ADARB2: variants seen among roughly 807,000 people sequenced by gnomAD.
The protein encoded by ADARB2 is inactive double-stranded RNA-specific editase B2.
In ADARB2, 25 loss-of-function variants were observed where a neutral mutation model predicts 62.2. That is an observed-to-expected ratio of 0.40 (90% CI 0.29 to 0.56). ADARB2 has a LOEUF of 0.56. Among genes scored for constraint, ADARB2 ranks in the 20% least tolerant of loss-of-function variants. ADARB2 has a pLI of 0.43. For missense variants in ADARB2, 1,071 were observed against 1,077.4 expected (o/e 0.99, Z 0.08); for synonymous variants, 572 against 500.8 (o/e 1.14, Z -1.90).
intron 1 of ADARB2, among the ~76,000 whole-genome samples, chr10:1,514,627 A>G (rs1831986162): frequency 6.6e-6 from 1 of 151,888 alleles, no homozygotes; most frequent in East Asian, 2.0e-4. Flanking sequence ...AGTGCTTGAA[A>G]TGTGGCTGCC....
intron 2 of ADARB2, among the ~76,000 whole-genome samples, chr10:1,377,128 G>T (rs912363088): frequency 7.6e-6 from 1 of 132,428 alleles, no homozygotes; most frequent in East Asian, 2.4e-4. Flanking sequence ...TGTGCGGTGC[G>T]TCCCTGGGGT....
intron 3 of ADARB2, chr10:1,292,430 T>TA (rs1831474867): frequency 6.6e-6 from 1 of 152,244 alleles, no homozygotes; most frequent in Admixed American, 6.5e-5. Context: ...GCTTGTGACC[T>TA]GAGGCCCTTC....
At position 1,183,152 on chromosome 10, in the gene ADARB2, TC is replaced by T; in HGVS notation, c.*40del. ...CGCCCCCCAGACACGGTCCCATCCC[TC>T]CAGCGTCCCGCTCAGCTCCAGCAGC... is the stretch of plus-strand genomic sequence containing the variant. On this transcript the variant is annotated 3_prime_UTR_variant, in exon 10 of 10. Transcript: ENST00000381312. 1 of 1,600,356 alleles carries T rather than the reference TC, an allele frequency of 6.2e-7. No homozygotes were observed. Among genetic ancestry groups the T allele is most frequent in the African/African-American group, 1.3e-5 (1 of 74,758 alleles).
chr10:1,446,923 T>C (rs1830978275), intron 1 of ADARB2, among the ~76,000 whole-genome samples: 1 of 152,228 alleles, frequency 6.6e-6, no homozygotes. Flanking sequence ...TTGTCAAGGG[T>C]TTATTTCATT....
At chr10:1,258,133 TCTCC>T (rs990476221) in intron 4 of ADARB2, among the ~76,000 whole-genome samples, 2 of 152,118 alleles carry the variant, frequency 1.3e-5, no homozygotes, top group African/African-American at 4.8e-5. Flanking sequence ...TCTCTTTCTC[TCTCC>T]CTCCCTCCCT....
At position 1,609,317 on chromosome 10, in the gene ADARB2, C is replaced by T. The variant is rs146971324; in HGVS notation, c.100+127734G>A. ...TAATAGCTAGTTCTCCTGATGATTG[C>T]ACAGAGACCCGCTGGTCACAGCGGG... is the stretch of plus-strand genomic sequence containing the variant. On this transcript the variant is annotated intron_variant, in intron 1 of 9. Transcript: ENST00000381312. Among the ~76,000 whole-genome samples, 862 of 152,326 alleles carry T rather than the reference C, an allele frequency of 5.7e-3. 6 individuals are homozygous for T. The highest frequency in any genetic ancestry group is 0.017 in the African/African-American group (695 of 41,576).
intron 3 of ADARB2, among the ~76,000 whole-genome samples, chr10:1,320,679 C>T (rs532741432): frequency 2.0e-5 from 3 of 152,144 alleles, no homozygotes; most frequent in East Asian, 1.9e-4. Flanking sequence ...CAGAGAACAG[C>T]GATGCTGAGA....
At chr10:1,200,410 CTGTTA>C (rs763746117) in intron 7 of ADARB2, 1 of 523,012 alleles carries the variant, frequency 1.9e-6, no homozygotes, top group Non-Finnish European at 3.4e-6. Flanking sequence ...AGAGTGGAAA[CTGTTA>C]TGTTCTCTGT....
intron 1 of ADARB2, among the ~76,000 whole-genome samples, chr10:1,514,429 C>T (rs1038511724): frequency 5.3e-5 from 8 of 151,788 alleles, no homozygotes; most frequent in Non-Finnish European, 7.4e-5. Flanking sequence ...TAATGTTTCT[C>T]AGTGACCATG....
In ADARB2 at chr10:1,671,580, C is replaced by T. The variant is rs76244533; in HGVS notation, c.100+65471G>A. Among the ~76,000 whole-genome samples the T allele has an allele frequency of 5.2e-3, 786 of 152,238 alleles. 8 individuals are homozygous for T. Among genetic ancestry groups the T allele is most frequent in the African/African-American group, 0.018 (763 of 41,532 alleles). On this transcript the variant is annotated intron_variant, in intron 1 of 9. Transcript: ENST00000381312. The stretch of plus-strand genomic sequence containing the variant: ...AGGGCCAACTTGCCCATGGAGGTGG[C>T]ATCTCCCTCGTGCTTCTCTGGATTC...
chr10:1,251,212 A>G (rs748976659), intron 4 of ADARB2, among the ~76,000 whole-genome samples: 2 of 152,246 alleles, frequency 1.3e-5, no homozygotes, highest in East Asian at 1.9e-4. Context: ...TGGATAAATC[A>G]TGGTACATTC....
intron 3 of ADARB2, among the ~76,000 whole-genome samples, chr10:1,362,512 G>A (rs750100035): frequency 7.9e-5 from 12 of 152,178 alleles, no homozygotes; most frequent in Non-Finnish European, 1.5e-4. Flanking sequence ...GAACCGGAGG[G>A]GTCCTGCCGG....
intron 8 of ADARB2, among the ~76,000 whole-genome samples, chr10:1,185,556 C>T (rs1431621745): frequency 2.0e-5 from 3 of 152,134 alleles, no homozygotes; most frequent in East Asian, 1.9e-4. Context: ...TCAATTGATC[C>T]GCAATGTGAT....
At chr10:1,474,453 G>T (rs554925744) in intron 1 of ADARB2, among the ~76,000 whole-genome samples, 3 of 152,294 alleles carry the variant, frequency 2.0e-5, no homozygotes, top group Admixed American at 6.5e-5. Context: ...GGACACACAG[G>T]CCTCTTCTGC....
intron 1 of ADARB2, among the ~76,000 whole-genome samples, chr10:1,521,787 C>A: frequency 6.7e-6 from 1 of 148,436 alleles, no homozygotes; most frequent in East Asian, 2.0e-4. Flanking sequence ...CCACCCCCCA[C>A]TACCCCCAAC....
At chr10:1,675,686 G>A (rs1834459185) in intron 1 of ADARB2, among the ~76,000 whole-genome samples, 2 of 152,078 alleles carry the variant, frequency 1.3e-5, no homozygotes, top group Non-Finnish European at 2.9e-5. Flanking sequence ...GGGGTTCATG[G>A]ATGTTCTGGA....
At chr10:1,458,076 A>G (rs2820634) in intron 1 of ADARB2, among the ~76,000 whole-genome samples, 101,536 of 151,804 alleles carry the variant, frequency 0.67, 34,721 homozygotes, top group Non-Finnish European at 0.75. Context: ...GGTGATGGAC[A>G]CTCATGTGAC....
intron 7 of ADARB2, among the ~76,000 whole-genome samples, chr10:1,215,067 G>A (rs530096675): frequency 3.7e-4 from 56 of 152,240 alleles, no homozygotes; most frequent in African/African-American, 1.1e-3. Context: ...CTGCAGGGGC[G>A]GGGGCAGGTG....
intron 1 of ADARB2, among the ~76,000 whole-genome samples, chr10:1,726,667 G>A (rs995639718): frequency 1.3e-5 from 2 of 152,218 alleles, no homozygotes; most frequent in African/African-American, 4.8e-5. Context: ...GAGATAGGCA[G>A]GCAGCACTTG....
Sources: allele counts gnomAD v4.1 joint callset (sites outside exome capture counted in the v4.1 genomes callset), GRCh38; gene constraint gnomAD v4.1.1; transcripts MANE v1.5; gene names NCBI Gene and HGNC (gene_info 2026-07-23, HGNC 2026-07-21).